Variants in C12orf42 observed in about 807,000 individuals in gnomAD.
The protein encoded by C12orf42 is uncharacterized protein C12orf42.
Under a neutral mutation model 21.6 loss-of-function variants are expected in C12orf42, and 25 were observed. The observed-to-expected ratio is 1.16, with a 90% CI of 0.84 to 1.62. C12orf42 has a LOEUF of 1.62. Ranked by LOEUF, C12orf42 falls within the 40% of genes most tolerant of loss-of-function variation. C12orf42 has a pLI of 0.00. For synonymous variants in C12orf42, 174 were observed against 175.0 expected, an observed-to-expected ratio of 0.99 and a Z score of 0.05; for missense variants, 483 against 459.3, an observed-to-expected ratio of 1.05 and a Z score of -0.47.
At chr12:103,194,145 C>A in the C12orf42 span, among the ~76,000 whole-genome samples, 4 of 150,690 alleles carry the variant, frequency 2.7e-5, no homozygotes, top group African/African-American at 7.3e-5. Flanking sequence ...AAAAAAAACT[C>A]AAAAAATCAG....
chr12:103,350,138 C>G (rs2042985921), intron 4 of C12orf42, among the ~76,000 whole-genome samples: 1 of 152,094 alleles, frequency 6.6e-6, no homozygotes, highest in Admixed American at 6.6e-5. Flanking sequence ...ATACAGAAGA[C>G]CCCCTTATCT....
the C12orf42 span, among the ~76,000 whole-genome samples, chr12:103,214,145 G>T: frequency 5.3e-5 from 8 of 152,260 alleles, no homozygotes; most frequent in African/African-American, 1.9e-4. Flanking sequence ...TTCCCATCAA[G>T]TTTGAACAAG....
intron 4 of C12orf42, among the ~76,000 whole-genome samples, chr12:103,354,840 G>A (rs1232834390): frequency 1.3e-5 from 2 of 152,032 alleles, no homozygotes; most frequent in Admixed American, 1.3e-4. Flanking sequence ...TTTCAGGTGT[G>A]AACCACCATG....
chr12:103,213,662 A>G, the C12orf42 span, among the ~76,000 whole-genome samples: 1 of 152,192 alleles, frequency 6.6e-6, no homozygotes, highest in Non-Finnish European at 1.5e-5. Context: ...AGGAGATTCA[A>G]CACACGGGTG....
At chr12:103,328,485 G>A (rs1041692370) in intron 4 of C12orf42, among the ~76,000 whole-genome samples, 3 of 152,028 alleles carry the variant, frequency 2.0e-5, no homozygotes, top group Non-Finnish European at 4.4e-5. Context: ...GTATCATATA[G>A]GAAAACAAGA....
At chr12:103,353,255 T>C (rs570436629) in intron 4 of C12orf42, among the ~76,000 whole-genome samples, 3 of 150,848 alleles carry the variant, frequency 2.0e-5, no homozygotes, top group East Asian at 3.9e-4. Flanking sequence ...ATAGAAAATG[T>C]CACCCCTTTT....
chr12:103,383,974 A>G (rs947482726), intron 3 of C12orf42, among the ~76,000 whole-genome samples: 10 of 152,266 alleles, frequency 6.6e-5, no homozygotes, highest in African/African-American at 1.4e-4. Flanking sequence ...TGTGAGAGCC[A>G]CAGGGCAGAA....
chr12:103,265,885 A>G (rs1226015081), downstream of C12orf42, among the ~76,000 whole-genome samples: 1 of 151,998 alleles, frequency 6.6e-6, no homozygotes, highest in Non-Finnish European at 1.5e-5. Flanking sequence ...GCCATCTTGA[A>G]TCTTTTGTCT....
intron 2 of C12orf42, among the ~76,000 whole-genome samples, chr12:103,433,128 T>G (rs2139370449): frequency 6.6e-6 from 1 of 152,310 alleles, no homozygotes; most frequent in Admixed American, 6.5e-5. Flanking sequence ...AGGATATAGA[T>G]ACATTTGCGG....
the C12orf42 span, among the ~76,000 whole-genome samples, chr12:103,519,474 G>A: frequency 6.6e-6 from 1 of 152,020 alleles, no homozygotes; most frequent in Admixed American, 6.6e-5. Context: ...TCAGCACCTA[G>A]AAATTATATA....
At chr12:103,185,488 C>T in the C12orf42 span, among the ~76,000 whole-genome samples, 4 of 151,238 alleles carry the variant, frequency 2.6e-5, no homozygotes, top group South Asian at 6.3e-4. Context: ...TTCCTTCCTT[C>T]CTTCCTTATT....
At position 103,301,974 on chromosome 12, in the gene C12orf42, TA is replaced by T. The variant is rs898277346; in HGVS notation, c.*133del. The T allele has an allele frequency of 1.0e-6, 1 of 1,003,684 alleles. No individual in the cohort carries two copies. The highest frequency in any genetic ancestry group is 1.6e-5 in the African/African-American group (1 of 61,084). 62.2% of individuals were successfully genotyped at this position (1,003,684 alleles called of 1,614,324 possible). Reference sequence around the variant, plus strand: ...GCTAGGGACTTTTGACATTATTTATTAGGTTCAAAAATGCTTCACAAAAGCC... The same window carrying T: ...GCTAGGGACTTTTGACATTATTTATTGGTTCAAAAATGCTTCACAAAAGCC... On this transcript the variant is annotated 3_prime_UTR_variant, in exon 6 of 6. Transcript: ENST00000548883.
At chr12:103,108,976 A>G in the C12orf42 span, among the ~76,000 whole-genome samples, 1 of 152,222 alleles carries the variant, frequency 6.6e-6, no homozygotes, top group Admixed American at 6.5e-5. Context: ...AGAGAGATAC[A>G]TATGTCCTTG....
intron 4 of C12orf42, among the ~76,000 whole-genome samples, chr12:103,334,924 A>AC (rs1566099514): frequency 6.6e-6 from 1 of 151,436 alleles, no homozygotes; most frequent in East Asian, 1.9e-4. Context: ...AAAGTTCTAC[A>AC]TTTTTTTTTC....
At chr12:103,053,076 T>C in the C12orf42 span, among the ~76,000 whole-genome samples, 1 of 152,036 alleles carries the variant, frequency 6.6e-6, no homozygotes, top group Non-Finnish European at 1.5e-5. Context: ...GAAGTTTAGG[T>C]TCCCTCACTG....
At chr12:103,478,896 C>CA (rs1376214188) in intron 1 of C12orf42, among the ~76,000 whole-genome samples, 3 of 152,066 alleles carry the variant, frequency 2.0e-5, no homozygotes, top group Non-Finnish European at 2.9e-5. Context: ...TAGTTAATTC[C>CA]AAAAAATATG....
At chr12:103,532,174 A>G in the C12orf42 span, among the ~76,000 whole-genome samples, 1 of 152,332 alleles carries the variant, frequency 6.6e-6, no homozygotes, top group African/African-American at 2.4e-5. Context: ...TTAAAGCTAT[A>G]TCTTCTAACT....
At chr12:103,427,390 A>T (rs896452149) in intron 2 of C12orf42, among the ~76,000 whole-genome samples, 1 of 151,908 alleles carries the variant, frequency 6.6e-6, no homozygotes, top group East Asian at 1.9e-4. Context: ...GAAGGTCATT[A>T]TATCATGGTA....
chr12:103,535,960 T>A, the C12orf42 span, among the ~76,000 whole-genome samples: 5 of 152,132 alleles, frequency 3.3e-5, no homozygotes, highest in African/African-American at 9.7e-5. Flanking sequence ...TTTTTATTAT[T>A]TGTAGAGATG....
Sources: gnomAD v4.1 joint callset for allele counts (sites outside exome capture counted in the v4.1 genomes callset) on GRCh38, gnomAD v4.1.1 for gene constraint, MANE v1.5 for transcripts, NCBI Gene and HGNC (gene_info 2026-07-23, HGNC 2026-07-21) for gene names.